MROH9: variants seen among roughly 807,000 people sequenced by gnomAD.
MROH9 encodes maestro heat-like repeat-containing protein family member 9.
Under a neutral mutation model 98.2 loss-of-function variants are expected in MROH9, and 92 were observed. The ratio of observed to expected loss-of-function variants is 0.94; its 90% CI spans 0.79 to 1.11. The LOEUF (loss-of-function observed/expected upper bound fraction) is 1.11. Among genes scored for constraint, MROH9 ranks in the 50% most tolerant of loss-of-function variants. MROH9 has a pLI of 0.00. For missense variants in MROH9, 1,057 were observed against 1,014.8 expected, an observed-to-expected ratio of 1.04 and a Z score of -0.57; for synonymous variants, 397 against 368.9, an observed-to-expected ratio of 1.08 and a Z score of -0.87.
intron 3 of MROH9, among the ~76,000 whole-genome samples, chr1:170,952,272 G>A (rs1320354718): frequency 2.6e-5 from 4 of 152,116 alleles, no homozygotes; most frequent in South Asian, 2.1e-4. Flanking sequence ...AGGATTATAA[G>A]TCATGCTGCT....
intron 9 of MROH9, among the ~76,000 whole-genome samples, chr1:170,984,896 A>C (rs1651071148): frequency 1.3e-5 from 2 of 152,342 alleles, no homozygotes; most frequent in African/African-American, 2.4e-5. Context: ...TGTAGAAACA[A>C]GACCAAGAGG....
At chr1:170,970,729 T>TGAGAGAGAGAGAGAGA (rs1336944318) in intron 7 of MROH9, among the ~76,000 whole-genome samples, 15 of 102,150 alleles carry the variant, frequency 1.5e-4, no homozygotes, top group African/African-American at 5.3e-4. Context: ...TGTGTGTGTG[T>TGAGAGAGAGAGAGAGA]GTGAGAGAGA....
At chr1:171,009,031 A>AG (rs1195700713) in intron 15 of MROH9, among the ~76,000 whole-genome samples, 1 of 149,632 alleles carries the variant, frequency 6.7e-6, no homozygotes, top group African/African-American at 2.4e-5. Context: ...ATAAAATATA[A>AG]GGATTTTAAA....
chr1:171,017,791 G>A (rs1652378398), intron 17 of MROH9, among the ~76,000 whole-genome samples: 1 of 152,144 alleles, frequency 6.6e-6, no homozygotes, highest in South Asian at 2.1e-4. Context: ...GACTGTTGAC[G>A]AGTGCCTCTT....
At chr1:170,970,727 T>TGAGAGAGAGAGAGA (rs1460980153) in intron 7 of MROH9, among the ~76,000 whole-genome samples, 3 of 124,456 alleles carry the variant, frequency 2.4e-5, no homozygotes, top group African/African-American at 9.6e-5. Flanking sequence ...TGTGTGTGTG[T>TGAGAGAGAGAGAGA]GTGTGAGAGA....
chr1:171,003,153 A>G (rs1651838501), intron 15 of MROH9, among the ~76,000 whole-genome samples: 1 of 151,642 alleles, frequency 6.6e-6, no homozygotes, highest in Non-Finnish European at 1.5e-5. Flanking sequence ...TTCTTGTATC[A>G]TTTTTTGGAT....
intron 20 of MROH9, among the ~76,000 whole-genome samples, chr1:171,042,211 A>T (rs976698117): frequency 2.6e-5 from 4 of 151,962 alleles, no homozygotes; most frequent in African/African-American, 9.7e-5. Context: ...TGATTTTTAG[A>T]TTCCACAAAT....
chr1:170,966,175 T>C (rs974118884), intron 7 of MROH9, among the ~76,000 whole-genome samples: 2 of 152,130 alleles, frequency 1.3e-5, no homozygotes, highest in African/African-American at 2.4e-5. Flanking sequence ...TTCATGTAAA[T>C]ATTAAGGTGC....
intron 8 of MROH9, among the ~76,000 whole-genome samples, chr1:170,972,859 C>CACACAG (rs1491458716): frequency 7.1e-6 from 1 of 141,292 alleles, no homozygotes; most frequent in Non-Finnish European, 1.5e-5. Flanking sequence ...CACACACACA[C>CACACAG]AGAGTTTTCA....
intron 15 of MROH9, among the ~76,000 whole-genome samples, chr1:171,000,566 T>C (rs1651751603): frequency 6.6e-6 from 1 of 152,118 alleles, no homozygotes; most frequent in Non-Finnish European, 1.5e-5. Context: ...TATTGAACCA[T>C]CCCTGCATAC....
chr1:170,979,935 C>T (rs896829817), intron 8 of MROH9, among the ~76,000 whole-genome samples: 5 of 152,116 alleles, frequency 3.3e-5, no homozygotes, highest in African/African-American at 7.2e-5. Flanking sequence ...CATTCCTTTA[C>T]ACCAACAATA....
intron 20 of MROH9, among the ~76,000 whole-genome samples, chr1:171,057,045 T>G (rs55950815): frequency 0.15 from 22,767 of 152,048 alleles, 2,052 homozygotes; most frequent in African/African-American, 0.25. Flanking sequence ...AACCCAAAAA[T>G]CCAGAGTGCC....
intron 8 of MROH9, among the ~76,000 whole-genome samples, chr1:170,973,839 T>C (rs28604457): frequency 0.35 from 52,764 of 152,074 alleles, 9,305 homozygotes; most frequent in Middle Eastern, 0.47. Flanking sequence ...CGTGCCACTG[T>C]ACTCCAGCCT....
intron 21 of MROH9, 47 bp from the exon 22 acceptor site, chr1:171,064,052 C>T: frequency 1.3e-6 from 2 of 1,498,586 alleles, no homozygotes; most frequent in African/African-American, 1.4e-5. Flanking sequence ...GCTTCATGGC[C>T]TCTAAGAAAG....
intron 7 of MROH9, among the ~76,000 whole-genome samples, chr1:170,971,210 G>A (rs778357166): frequency 2.6e-5 from 4 of 152,094 alleles, no homozygotes; most frequent in South Asian, 4.1e-4. Flanking sequence ...AAATATTTTG[G>A]TAGTAGCTTT....
At chr1:170,985,158 C>A (rs185118081) in intron 9 of MROH9, among the ~76,000 whole-genome samples, 57 of 152,166 alleles carry the variant, frequency 3.7e-4, no homozygotes, top group Admixed American at 1.8e-3. Context: ...TATATATGTT[C>A]ATACCAAATA....
chr1:170,962,505 C>T (rs926903558), intron 6 of MROH9, among the ~76,000 whole-genome samples: 1 of 152,134 alleles, frequency 6.6e-6, no homozygotes, highest in African/African-American at 2.4e-5. Context: ...GACTGCACTG[C>T]ATGTCTTGTG....
At chr1:170,991,421 C>T (rs1459541490) in intron 11 of MROH9, among the ~76,000 whole-genome samples, 1 of 152,046 alleles carries the variant, frequency 6.6e-6, no homozygotes, top group Non-Finnish European at 1.5e-5. Flanking sequence ...TTTCCATATT[C>T]CAAGGGATCA....
chr1:170,967,204 G>T (rs900797608), intron 7 of MROH9, among the ~76,000 whole-genome samples: 5 of 152,112 alleles, frequency 3.3e-5, no homozygotes, highest in African/African-American at 1.2e-4. Context: ...AAACCCAACG[G>T]AATAACCTAT....
Sources: gnomAD v4.1 joint callset for allele counts (sites outside exome capture counted in the v4.1 genomes callset) on GRCh38, gnomAD v4.1.1 for gene constraint, MANE v1.5 for transcripts, NCBI Gene and HGNC (gene_info 2026-07-23, HGNC 2026-07-21) for gene names.